FGF14: variants seen among roughly 807,000 people sequenced by gnomAD.
FGF14 encodes the protein fibroblast growth factor 14.
In FGF14, 5 loss-of-function variants were observed where a neutral mutation model predicts 25.5. That is an observed-to-expected ratio of 0.20 (90% confidence interval 0.10 to 0.41). The LOEUF is 0.41. FGF14 is among the 10% of genes least tolerant of loss of function. The pLI, the probability that FGF14 is intolerant of heterozygous loss-of-function variation, is 1.00. For missense variants in FGF14, 222 were observed against 320.1 expected, an observed-to-expected ratio of 0.69 and a Z score of 2.34; for synonymous variants, 138 against 118.3, an observed-to-expected ratio of 1.17 and a Z score of -1.08.
intron 1 of FGF14, among the ~76,000 whole-genome samples, chr13:102,010,893 C>T (rs770087341): frequency 3.3e-5 from 5 of 152,092 alleles, no homozygotes; most frequent in Non-Finnish European, 5.9e-5. Flanking sequence ...GATGAGAGAA[C>T]GTGGAGAAAC....
intron 1 of FGF14, among the ~76,000 whole-genome samples, chr13:102,122,815 A>G (rs2045788686): frequency 6.6e-6 from 1 of 152,198 alleles, no homozygotes; most frequent in African/African-American, 2.4e-5. Flanking sequence ...TATTTATTAA[A>G]GCATTTGATC....
intron 1 of FGF14, among the ~76,000 whole-genome samples, chr13:102,309,545 C>A (rs1355998602): frequency 6.6e-6 from 1 of 152,124 alleles, no homozygotes; most frequent in Non-Finnish European, 1.5e-5. Flanking sequence ...TTACTGCCCA[C>A]AAGTGATTTC....
chr13:102,324,479 G>A (rs1299175818), intron 1 of FGF14, among the ~76,000 whole-genome samples: 1 of 152,184 alleles, frequency 6.6e-6, no homozygotes, highest in African/African-American at 2.4e-5. Context: ...TATGCATCCT[G>A]AGATGCAATC....
At chr13:102,173,131 T>C (rs867853326) in intron 1 of FGF14, among the ~76,000 whole-genome samples, 4 of 152,176 alleles carry the variant, frequency 2.6e-5, no homozygotes, top group African/African-American at 9.6e-5. Flanking sequence ...ACTTCTACAA[T>C]TCCATAGCAA....
intron 1 of FGF14, among the ~76,000 whole-genome samples, chr13:101,991,579 C>T (rs1364218125): frequency 6.6e-6 from 1 of 152,114 alleles, no homozygotes; most frequent in East Asian, 1.9e-4. Context: ...AAATCAACAA[C>T]ACTGCTTAGA....
chr13:101,724,844 A>G (rs2035294953), intron 4 of FGF14, among the ~76,000 whole-genome samples: 2 of 151,480 alleles, frequency 1.3e-5, no homozygotes, highest in African/African-American at 4.8e-5. Flanking sequence ...TTGAAAACAT[A>G]AAAAGTATTA....
At chr13:101,853,945 C>T (rs1005022386) in intron 3 of FGF14, among the ~76,000 whole-genome samples, 29 of 152,104 alleles carry the variant, frequency 1.9e-4, no homozygotes, top group Admixed American at 5.9e-4. Context: ...CATGCATTGA[C>T]GGCTCTATTT....
chr13:101,801,460 A>G (rs992427010), intron 3 of FGF14, among the ~76,000 whole-genome samples: 2 of 152,080 alleles, frequency 1.3e-5, no homozygotes, highest in Non-Finnish European at 2.9e-5. Context: ...CATAGAAAAT[A>G]TTACTTTAAA....
chr13:101,989,583 T>C (rs1359066865), intron 1 of FGF14, among the ~76,000 whole-genome samples: 1 of 152,154 alleles, frequency 6.6e-6, no homozygotes, highest in East Asian at 1.9e-4. Flanking sequence ...AAAGTTTTCA[T>C]GGACCATGCC....
intron 1 of FGF14, among the ~76,000 whole-genome samples, chr13:102,297,013 A>C (rs573088685): frequency 1.0e-3 from 157 of 152,182 alleles, no homozygotes; most frequent in South Asian, 2.3e-3. Context: ...ACAACAACAA[A>C]AAAAGTAATT....
chr13:102,119,892 T>C (rs2045639766), intron 1 of FGF14, among the ~76,000 whole-genome samples: 1 of 152,180 alleles, frequency 6.6e-6, no homozygotes, highest in South Asian at 2.1e-4. Flanking sequence ...GAGATTCAGA[T>C]GAGCCAGGAT....
Position 102,195,941 on chromosome 13 carries a change from GACA to G in FGF14, c.208+205527_208+205529del, listed in dbSNP as rs2049331382. On this transcript the variant is annotated intron_variant, in intron 1 of 4. Transcript: ENST00000376131. ...GATTTTTCTGATTAAATTTGTTGTA[GACA>G]GACAGAAAACAGAATTAGATCAGTA... Among the ~76,000 whole-genome samples, 3 of 100,354 alleles carry G rather than the reference GACA, an allele frequency of 3.0e-5. No individual in the cohort carries two copies. In the Admixed American group the frequency reaches 3.7e-4, roughly 12 times the overall value. The allele number at this position is 100,354 out of a possible 152,430, so 65.8% of individuals were successfully genotyped here.
chr13:101,867,367 A>G (rs963630268), intron 3 of FGF14, among the ~76,000 whole-genome samples: 7 of 152,174 alleles, frequency 4.6e-5, no homozygotes, highest in Admixed American at 2.6e-4. Context: ...GATAAAACAA[A>G]TATTTCAATT....
intron 1 of FGF14, among the ~76,000 whole-genome samples, chr13:102,161,706 GAAGAAGAAGAAGAAGAAGAAT>G (rs2047774285): frequency 6.7e-5 from 10 of 148,828 alleles, no homozygotes; most frequent in South Asian, 4.3e-4. Context: ...AGAAGAAGAA[GAAGAAGAAGAAGAAGAAGAAT>G]AGAAATGTGT....
At chr13:101,764,223 G>A (rs961839011) in intron 3 of FGF14, among the ~76,000 whole-genome samples, 1 of 152,142 alleles carries the variant, frequency 6.6e-6, no homozygotes, top group Non-Finnish European at 1.5e-5. Context: ...GCTGAACCCT[G>A]GGATAGTTTC....
At chr13:102,015,135 T>C (rs920661206) in intron 1 of FGF14, among the ~76,000 whole-genome samples, 1 of 152,222 alleles carries the variant, frequency 6.6e-6, no homozygotes, top group Non-Finnish European at 1.5e-5. Context: ...CTCAAACTCC[T>C]GACTTCATGT....
intron 1 of FGF14, among the ~76,000 whole-genome samples, chr13:102,239,231 T>C (rs2051472461): frequency 6.6e-6 from 1 of 152,340 alleles, no homozygotes; most frequent in South Asian, 2.1e-4. Flanking sequence ...TTCATCATAC[T>C]GTGGCCAAAC....
At position 102,114,954 on chromosome 13, in the gene FGF14, T is replaced by C. The variant is rs576037238; in HGVS notation, c.209-239658A>G. Among the ~76,000 whole-genome samples the C allele has an allele frequency of 1.2e-4, 18 of 152,292 alleles. 1 individual carries two copies. In the South Asian group the frequency reaches 2.3e-3, roughly 19 times the overall value. On this transcript the variant is annotated intron_variant, in intron 1 of 4. Coordinates refer to the FGF14 transcript ENST00000376131. ...TATATATTGAACACTCACAAATTAG[T>C]TAAGAGCATATTACATGCTCTTACA... is the stretch of plus-strand genomic sequence containing the variant.
intron 1 of FGF14, among the ~76,000 whole-genome samples, chr13:102,097,048 A>C (rs1595261536): frequency 6.8e-6 from 1 of 146,732 alleles, no homozygotes; most frequent in Non-Finnish European, 1.5e-5. Flanking sequence ...TTTTTTAAGC[A>C]CTGTAGTGTG....
Sources: gnomAD v4.1 joint callset for allele counts (sites outside exome capture counted in the v4.1 genomes callset) on GRCh38, gnomAD v4.1.1 for gene constraint, MANE v1.5 for transcripts, NCBI Gene and HGNC (gene_info 2026-07-23, HGNC 2026-07-21) for gene names.